CTNNA3: variants seen among roughly 807,000 people sequenced by gnomAD.
CTNNA3 encodes the protein catenin alpha-3.
In CTNNA3, 76 loss-of-function variants were observed where a neutral mutation model predicts 95.7. The ratio of observed to expected loss-of-function variants is 0.79; its 90% CI spans 0.66 to 0.96. CTNNA3 has a LOEUF of 0.96. Ranked by LOEUF, CTNNA3 falls within the 40% of genes least tolerant of loss-of-function variation. CTNNA3 has a pLI of 0.00. For missense variants in CTNNA3, 1,191 were observed against 1,089.8 expected, an observed-to-expected ratio of 1.09 and a Z score of -1.31; for synonymous variants, 431 against 374.4, an observed-to-expected ratio of 1.15 and a Z score of -1.74.
At chr10:67,725,966 T>C (rs942525853) in intron 1 of CTNNA3, among the ~76,000 whole-genome samples, 1 of 139,894 alleles carries the variant, frequency 7.1e-6, no homozygotes, top group Non-Finnish European at 1.5e-5. Flanking sequence ...ATATAATATA[T>C]ATGTAATATA....
At chr10:66,633,738 G>A (rs940151374) in intron 9 of CTNNA3, among the ~76,000 whole-genome samples, 2 of 152,048 alleles carry the variant, frequency 1.3e-5, no homozygotes, top group Admixed American at 1.3e-4. Flanking sequence ...TGTCCACAGT[G>A]ATAATTCCTA....
At chr10:66,627,829 A>G (rs907491443) in intron 9 of CTNNA3, among the ~76,000 whole-genome samples, 1 of 152,192 alleles carries the variant, frequency 6.6e-6, no homozygotes, top group Non-Finnish European at 1.5e-5. Flanking sequence ...ACAAGAGAAC[A>G]TCTAATTCTT....
chr10:65,925,996 T>A (rs1195015992), intron 17 of CTNNA3, among the ~76,000 whole-genome samples: 1 of 150,580 alleles, frequency 6.6e-6, no homozygotes, highest in Admixed American at 6.7e-5. Context: ...GGATATATAA[T>A]CAGACATCTT....
chr10:66,671,935 A>G (rs1427759276), intron 9 of CTNNA3, among the ~76,000 whole-genome samples: 1 of 152,218 alleles, frequency 6.6e-6, no homozygotes, highest in Admixed American at 6.5e-5. Flanking sequence ...GTTGGTATGG[A>G]CTAAATAAAT....
At chr10:66,431,273 T>C (rs887997862) in intron 11 of CTNNA3, among the ~76,000 whole-genome samples, 1 of 152,104 alleles carries the variant, frequency 6.6e-6, no homozygotes, top group Non-Finnish European at 1.5e-5. Flanking sequence ...TGTGGAGAAA[T>C]AGGAACACTT....
chr10:66,425,710 A>T (rs986703726), intron 11 of CTNNA3, among the ~76,000 whole-genome samples: 6 of 152,104 alleles, frequency 3.9e-5, no homozygotes, highest in Non-Finnish European at 8.8e-5. Flanking sequence ...ATATATACAC[A>T]CACATATATA....
intron 7 of CTNNA3, 101 bp downstream of exon 7, chr10:67,180,216 A>G: frequency 1.0e-6 from 1 of 994,792 alleles, no homozygotes; most frequent in African/African-American, 1.6e-5. Flanking sequence ...TCACATACTC[A>G]TTTGTAATTT....
chr10:66,985,947 C>T (rs987655270), intron 7 of CTNNA3, among the ~76,000 whole-genome samples: 3 of 152,016 alleles, frequency 2.0e-5, no homozygotes, highest in Non-Finnish European at 4.4e-5. Context: ...AGGATGGTCT[C>T]GATCTCCTGA....
At chr10:66,902,615 C>T (rs1353073072) in intron 7 of CTNNA3, among the ~76,000 whole-genome samples, 2 of 151,838 alleles carry the variant, frequency 1.3e-5, no homozygotes, top group Non-Finnish European at 2.9e-5. Flanking sequence ...AAAAGATCAA[C>T]AAAATTGATA....
chr10:66,926,627 A>G, intron 7 of CTNNA3: 2 of 1,606,484 alleles, frequency 1.2e-6, no homozygotes, highest in Non-Finnish European at 1.7e-6. Context: ...CTTAAAAACA[A>G]AAAACAAAAA....
intron 11 of CTNNA3, among the ~76,000 whole-genome samples, chr10:66,468,389 T>A (rs975436992): frequency 2.0e-5 from 3 of 152,014 alleles, no homozygotes. Flanking sequence ...TTTCCTGAAC[T>A]ACATATTAAT....
At chr10:66,472,529 A>G (rs190917201) in intron 11 of CTNNA3, among the ~76,000 whole-genome samples, 462 of 152,092 alleles carry the variant, frequency 3.0e-3, no homozygotes, top group Non-Finnish European at 5.6e-3. Flanking sequence ...ACTTCTTGGC[A>G]TATGCCAATA....
At chr10:67,326,237 T>A (rs1276578265) in intron 5 of CTNNA3, among the ~76,000 whole-genome samples, 1 of 152,226 alleles carries the variant, frequency 6.6e-6, no homozygotes, top group Non-Finnish European at 1.5e-5. Flanking sequence ...TCAAGGTTAG[T>A]AATGATATGT....
intron 10 of CTNNA3, among the ~76,000 whole-genome samples, chr10:66,576,299 C>A (rs1000046131): frequency 1.3e-5 from 2 of 151,876 alleles, no homozygotes; most frequent in Non-Finnish European, 2.9e-5. Context: ...TATAAACATC[C>A]CAGCTGGTTT....
At chr10:66,185,710 T>G (rs1487397947) in intron 13 of CTNNA3, among the ~76,000 whole-genome samples, 1 of 152,002 alleles carries the variant, frequency 6.6e-6, no homozygotes, top group African/African-American at 2.4e-5. Context: ...AGTGTCTCAA[T>G]GTATTATTTA....
chr10:67,220,373 C>T (rs1353179617), intron 5 of CTNNA3, among the ~76,000 whole-genome samples: 1 of 152,088 alleles, frequency 6.6e-6, no homozygotes, highest in Non-Finnish European at 1.5e-5. Context: ...ATCATTCTTT[C>T]TTTGATATTT....
At position 66,018,187 on chromosome 10, in the gene CTNNA3, T is replaced by TACACACACACACACACACACACAC. The variant is rs59373779; in HGVS notation, c.2160-29414_2160-29391dup. Reference sequence around the variant, plus strand: ...GTTCTATATGAGGATACAGCTCAAATACACACACACACACACACACACACA... The same window carrying TACACACACACACACACACACACAC: ...GTTCTATATGAGGATACAGCTCAAATACACACACACACACACACACACACACACACACACACACACACACACACA... On this transcript the variant is annotated intron_variant, in intron 15 of 17. Coordinates refer to ENST00000433211, the MANE Select transcript of CTNNA3 (RefSeq NM_013266.4). 7.2e-4 allele frequency among the ~76,000 whole-genome samples: 102 copies of TACACACACACACACACACACACAC among 142,152 alleles called. 1 individual carries two copies. The highest frequency in any genetic ancestry group is 2.1e-3 in the African/African-American group (80 of 38,004). 93.3% of individuals were successfully genotyped at this position (142,152 alleles called of 152,430 possible).
chr10:66,843,237 G>A (rs186383074), intron 7 of CTNNA3, among the ~76,000 whole-genome samples: 26 of 152,164 alleles, frequency 1.7e-4, no homozygotes, highest in African/African-American at 3.6e-4. Flanking sequence ...GGGGGTTTAC[G>A]GGCTCACGAT....
chr10:67,045,617 C>A (rs180759554), intron 7 of CTNNA3, among the ~76,000 whole-genome samples: 1 of 152,298 alleles, frequency 6.6e-6, no homozygotes, highest in Non-Finnish European at 1.5e-5. Flanking sequence ...GCTGCCTTTG[C>A]GGCCAGACCC....
Sources: allele counts gnomAD v4.1 joint callset (sites outside exome capture counted in the v4.1 genomes callset), GRCh38; gene constraint gnomAD v4.1.1; transcripts MANE v1.5; gene names NCBI Gene and HGNC (gene_info 2026-07-23, HGNC 2026-07-21).